CACNG3: variants seen among roughly 807,000 people sequenced by gnomAD.
CACNG3 encodes voltage-dependent calcium channel gamma-3 subunit.
A neutral mutation model predicts 28.5 loss-of-function variants in CACNG3; 3 were observed. The ratio of observed to expected loss-of-function variants is 0.11; its 90% CI spans 0.05 to 0.27. CACNG3 has a LOEUF of 0.27. Among genes scored for constraint, CACNG3 ranks in the 10% least tolerant of loss-of-function variants. The probability of loss-of-function intolerance (pLI) is 1.00; values close to 1 mark genes in which losing one functional copy is unlikely to be tolerated. For missense variants in CACNG3, 236 were observed against 414.4 expected, an observed-to-expected ratio of 0.57 and a Z score of 3.74; for synonymous variants, 174 against 162.2, an observed-to-expected ratio of 1.07 and a Z score of -0.55.
chr16:24,264,215 GCTGC>G (rs1199111041), intron 1 of CACNG3, among the ~76,000 whole-genome samples: 2 of 152,254 alleles, frequency 1.3e-5, no homozygotes, highest in Non-Finnish European at 2.9e-5. Flanking sequence ...CCTATACGAG[GCTGC>G]CTGGCCGAGG....
At chr16:24,343,496 C>G (rs573487731) in intron 1 of CACNG3, among the ~76,000 whole-genome samples, 2 of 152,290 alleles carry the variant, frequency 1.3e-5, no homozygotes, top group East Asian at 3.9e-4. Flanking sequence ...CAACACCCTT[C>G]CCCTGCCCAG....
chr16:24,353,296 C>T (rs1899982383), intron 2 of CACNG3, among the ~76,000 whole-genome samples: 1 of 152,220 alleles, frequency 6.6e-6, no homozygotes, highest in South Asian at 2.1e-4. Flanking sequence ...TTTTGTGTTG[C>T]ACAAGGCCCT....
Position 24,317,648 on chromosome 16 carries a change from A to AAAGAAAGAAAGAAAGAAAG in CACNG3, c.212-29084_212-29083insGAAAGAAAGAAAGAAAGAA, listed in dbSNP as rs1491194402. Among the ~76,000 whole-genome samples the AAAGAAAGAAAGAAAGAAAG allele has an allele frequency of 4.7e-4, 26 of 55,730 alleles. 3 individuals are homozygous for AAAGAAAGAAAGAAAGAAAG. Among genetic ancestry groups the AAAGAAAGAAAGAAAGAAAG allele is most frequent in the Admixed American group, 6.5e-4 (3 of 4,624 alleles). The allele number at this position is 55,730 out of a possible 152,430, so 36.6% of individuals were successfully genotyped here. ...AAAGACAGACAGAAAGAAAGAAAAG[A>AAAGAAAGAAAGAAAGAAAG]AAAGAAAGAAAGAAAGAAAGAAAGA... On this transcript the variant is annotated intron_variant, in intron 1 of 3. Transcript: ENST00000005284.
rs1900098018 is a variant in CACNG3 at position 24,361,203 on chromosome 16, A to G, written c.437-149A>G. ...CATTTCCTAAGTGACAGACCATGCAAGAAGAACTAGGTGGTTGGATTTCCC... is the reference window on the plus strand; with the variant it reads ...CATTTCCTAAGTGACAGACCATGCAGGAAGAACTAGGTGGTTGGATTTCCC... On this transcript the variant is annotated intron_variant, in intron 3 of 3. Transcript: ENST00000005284. The surrounding 1 kb of genome is among the most constrained non-coding windows in gnomAD (Gnocchi z 6.8). 4 of 635,546 alleles carry G rather than the reference A, an allele frequency of 6.3e-6. No homozygotes were observed. 39.4% of individuals were successfully genotyped at this position (635,546 alleles called of 1,614,324 possible).
intron 1 of CACNG3, among the ~76,000 whole-genome samples, chr16:24,267,966 C>T (rs773731510): frequency 7.2e-5 from 11 of 152,204 alleles, no homozygotes; most frequent in South Asian, 2.1e-4. Context: ...CTACCGTGCC[C>T]GGCCTCATAT....
At chr16:24,354,421 A>G (rs930792212) in intron 2 of CACNG3, among the ~76,000 whole-genome samples, 2 of 151,976 alleles carry the variant, frequency 1.3e-5, no homozygotes, top group African/African-American at 2.4e-5. Flanking sequence ...TGGGGGCAGT[A>G]GTCGCTGGGC....
At chr16:24,335,021 C>T (rs959343850) in intron 1 of CACNG3, among the ~76,000 whole-genome samples, 3 of 152,336 alleles carry the variant, frequency 2.0e-5, no homozygotes, top group South Asian at 4.1e-4. Context: ...TAACCCTCTT[C>T]CCAGTGCTTG....
intron 1 of CACNG3, among the ~76,000 whole-genome samples, chr16:24,315,473 TTC>T (rs915993478): frequency 1.0e-4 from 15 of 144,834 alleles, no homozygotes; most frequent in East Asian, 4.5e-4. Flanking sequence ...CTTCCTTCCT[TTC>T]TCTCTCTCTT....
At chr16:24,353,922 G>A (rs1899994182) in intron 2 of CACNG3, among the ~76,000 whole-genome samples, 1 of 152,220 alleles carries the variant, frequency 6.6e-6, no homozygotes, top group Non-Finnish European at 1.5e-5. Context: ...GCCGGGTGCA[G>A]TGGCTCATGC....
chr16:24,264,093 T>C (rs954915201), intron 1 of CACNG3, among the ~76,000 whole-genome samples: 2 of 152,248 alleles, frequency 1.3e-5, no homozygotes, highest in African/African-American at 4.8e-5. Flanking sequence ...GTGGATTGGA[T>C]CTGGGAGTGG....
intron 1 of CACNG3, among the ~76,000 whole-genome samples, chr16:24,330,756 C>A (rs1424389307): frequency 6.6e-6 from 1 of 152,192 alleles, no homozygotes; most frequent in East Asian, 1.9e-4. Context: ...CCCTTCTCCC[C>A]AGAAGCTCCA....
At chr16:24,327,118 C>G (rs1899558748) in intron 1 of CACNG3, among the ~76,000 whole-genome samples, 1 of 79,234 alleles carries the variant, frequency 1.3e-5, no homozygotes, top group Non-Finnish European at 2.1e-5. Context: ...AAGGCAGGGG[C>G]TCCAAACCAA....
At chr16:24,286,029 C>T (rs576811319) in intron 1 of CACNG3, among the ~76,000 whole-genome samples, 3 of 151,968 alleles carry the variant, frequency 2.0e-5, no homozygotes, top group East Asian at 3.9e-4. Flanking sequence ...GTTTTGGTAG[C>T]GATGGGGTCT....
intron 1 of CACNG3, among the ~76,000 whole-genome samples, chr16:24,292,348 C>A (rs1159262770): frequency 6.6e-6 from 1 of 152,194 alleles, no homozygotes; most frequent in African/African-American, 2.4e-5. Flanking sequence ...CTTTAGGGAC[C>A]TGGAGAGGGA....
At chr16:24,289,288 G>A (rs1898934514) in intron 1 of CACNG3, among the ~76,000 whole-genome samples, 1 of 149,194 alleles carries the variant, frequency 6.7e-6, no homozygotes, top group Non-Finnish European at 1.5e-5. Flanking sequence ...TACACATTTG[G>A]CAAGAATCTG....
rs189162570 is a variant in CACNG3 at position 24,300,987 on chromosome 16, G to A, written c.211+44022G>A. On this transcript the variant is annotated intron_variant, in intron 1 of 3. Transcript: ENST00000005284. ...GAACCTGGGAGGTGGAGGTTGCAGT[G>A]AGCCGAGATCATGTCACTGCACTCC... Among the ~76,000 whole-genome samples the A allele has an allele frequency of 2.5e-3, 381 of 149,622 alleles. 4 individuals are homozygous for A. Among genetic ancestry groups the A allele is most frequent in the African/African-American group, 8.8e-3 (354 of 40,324 alleles).
chr16:24,262,352 G>C (rs1474439769), intron 1 of CACNG3, among the ~76,000 whole-genome samples: 1 of 152,232 alleles, frequency 6.6e-6, no homozygotes, highest in Non-Finnish European at 1.5e-5. Flanking sequence ...GACCCTGACT[G>C]CGTTTGAGGG....
At chr16:24,264,635 C>A (rs528569517) in intron 1 of CACNG3, among the ~76,000 whole-genome samples, 1 of 152,306 alleles carries the variant, frequency 6.6e-6, no homozygotes, top group East Asian at 1.9e-4. Flanking sequence ...GGCATGTTGG[C>A]CTTTTCTTTC....
At chr16:24,334,644 T>C (rs1028586103) in intron 1 of CACNG3, among the ~76,000 whole-genome samples, 2 of 152,222 alleles carry the variant, frequency 1.3e-5, no homozygotes, top group Non-Finnish European at 2.9e-5. Flanking sequence ...CCTTGGATGA[T>C]AGTCTCACTT....
Sources: gnomAD v4.1 joint callset for allele counts (sites outside exome capture counted in the v4.1 genomes callset) on GRCh38, gnomAD v4.1.1 for gene constraint, Gnocchi (gnomAD v3.1) non-coding constraint, MANE v1.5 for transcripts, NCBI Gene and HGNC (gene_info 2026-07-23, HGNC 2026-07-21) for gene names.